The following ITPR3 variants were observed in gnomAD, a reference collection of about 807,000 sequenced individuals.
ITPR3 encodes inositol 1,4,5-trisphosphate receptor type 3, also known as inositol 1,4,5-trisphosphate-gated calcium channel ITPR3.
ITPR3 carries 173 observed loss-of-function variants against 293.2 expected under a neutral mutation model. The observed-to-expected ratio is 0.59, with a 90% CI of 0.52 to 0.67. The LOEUF (loss-of-function observed/expected upper bound fraction) is 0.67. Ranked by LOEUF, ITPR3 falls within the 30% of genes least tolerant of loss-of-function variation. The pLI is 0.00. For missense variants in ITPR3, 2,796 were observed against 3,592.1 expected (o/e 0.78, Z 5.66); for synonymous variants, 1,295 against 1,444.4 (o/e 0.90, Z 2.35).
intron 1 of ITPR3, among the ~76,000 whole-genome samples, 175 bp from the exon 2 acceptor site, chr6:33,640,309 C>T (rs1389849111): frequency 6.6e-6 from 1 of 152,262 alleles, no homozygotes; most frequent in Non-Finnish European, 1.5e-5. Context: ...CAAGAGACAC[C>T]TTGCCTTTCA....
intron 2 of ITPR3, among the ~76,000 whole-genome samples, chr6:33,643,756 G>A (rs1382661305): frequency 6.6e-6 from 1 of 152,114 alleles, no homozygotes; most frequent in Non-Finnish European, 1.5e-5. Context: ...AGGTGCCAGG[G>A]AGGAGAGTGA....
Position 33,661,992 on chromosome 6 carries a change from G to GAAAAAAAAAAAAAAAAAAA in ITPR3, c.712-529_712-511dup, listed in dbSNP as rs55958712. ...CCTGGGCAACAGAGTGACTGTCTCT[G>GAAAAAAAAAAAAAAAAAAA]AAAAAAAAAAAAAAAAAAAAAAAAA... is the stretch of plus-strand genomic sequence containing the variant. On this transcript the variant is annotated intron_variant, in intron 7 of 57. Transcript: ENST00000605930. 3.6e-4 allele frequency among the ~76,000 whole-genome samples: 17 copies of GAAAAAAAAAAAAAAAAAAA among 47,190 alleles called. 1 individual carries two copies. The highest frequency in any genetic ancestry group is 2.0e-3 in the East Asian group (2 of 1,010). 31.0% of individuals were successfully genotyped at this position (47,190 alleles called of 152,430 possible).
Position 33,664,044 on chromosome 6 carries a change from C to T in ITPR3, c.1148+164C>T, listed in dbSNP as rs1016782554. On this transcript the variant is annotated intron_variant, in intron 11 of 57. Coordinates refer to ENST00000605930, the MANE Select transcript of ITPR3 (RefSeq NM_002224.4). This position sits in a 1 kb window ranked among gnomAD's most constrained non-coding sequence, Gnocchi z 4.4. ...TCTGGGGATCTAGCTCTGAGTCTGT[C>T]GGCGGCTGACCACCATTGCATGCCT... Among the ~76,000 whole-genome samples the T allele has an allele frequency of 3.9e-5, 6 of 152,088 alleles. No individual in the cohort carries two copies. The highest frequency in any genetic ancestry group is 7.2e-5 in the African/African-American group (3 of 41,386).
intron 1 of ITPR3, among the ~76,000 whole-genome samples, chr6:33,639,108 T>A (rs1244901565): frequency 6.6e-6 from 1 of 152,040 alleles, no homozygotes; most frequent in African/African-American, 2.4e-5. Flanking sequence ...AGACTGGGCG[T>A]GGTGACTCAC....
chr6:33,637,567 C>CA (rs1169663227), intron 1 of ITPR3, among the ~76,000 whole-genome samples: 2 of 152,076 alleles, frequency 1.3e-5, no homozygotes, highest in Admixed American at 1.3e-4. Flanking sequence ...CTCTAGGGTT[C>CA]AAGCGATTCT....
intron 2 of ITPR3, among the ~76,000 whole-genome samples, chr6:33,649,763 G>C (rs2127248563): frequency 6.6e-6 from 1 of 152,286 alleles, no homozygotes; most frequent in East Asian, 1.9e-4. Flanking sequence ...AGAACCATGT[G>C]GGGTAGAAAG....
At position 33,674,322 on chromosome 6, in the gene ITPR3, C is replaced by T. The variant is rs1312949571; in HGVS notation, c.3116+57C>T. 1.9e-6 allele frequency: 3 copies of T among 1,551,922 alleles called. No homozygotes were observed. The African/African-American group carries it at 4.1e-5, about 21-fold the overall frequency. On this transcript the variant is annotated intron_variant, in intron 24 of 57. Transcript: ENST00000605930. ...GGGGTTGGGAGGCTCGACACCCCCTCTTGGTCTGGTCTGGGTTCCTGGGCT... is the reference window on the plus strand; with the variant it reads ...GGGGTTGGGAGGCTCGACACCCCCTTTTGGTCTGGTCTGGGTTCCTGGGCT...
chr6:33,662,001 A>AAAAAAAAAAAAAAAAAG (rs1764483822), intron 7 of ITPR3, among the ~76,000 whole-genome samples: 1 of 149,100 alleles, frequency 6.7e-6, no homozygotes, highest in Non-Finnish European at 1.5e-5. Flanking sequence ...TGAAAAAAAA[A>AAAAAAAAAAAAAAAAAG]AAAAAAAAAA....
At chr6:33,673,040 C>T (rs1250665932) in intron 22 of ITPR3, among the ~76,000 whole-genome samples, 1 of 152,130 alleles carries the variant, frequency 6.6e-6, no homozygotes, top group South Asian at 2.1e-4. Flanking sequence ...GAGGGCTGGG[C>T]CTTCCATGTC....
rs1195757030 is a variant in ITPR3 at position 33,667,767 on chromosome 6, A to AC, written c.1714-20dup. 12 of 1,612,272 alleles carry AC rather than the reference A, an allele frequency of 7.4e-6. No individual in the cohort carries two copies. The Admixed American group carries it at 8.3e-5, about 11-fold the overall frequency. On this transcript the variant is annotated intron_variant, in intron 15 of 57. Transcript: ENST00000605930. The surrounding 1 kb of genome is among the most constrained non-coding windows in gnomAD (Gnocchi z 4.4). ...CTTGGCCCACCTGTGACTCTCTGTGACCCCCAGCCTGTCTGCCCCCCCAGG... is the reference window on the plus strand; with the variant it reads ...CTTGGCCCACCTGTGACTCTCTGTGACCCCCCAGCCTGTCTGCCCCCCCAGG...
At position 33,673,254 on chromosome 6, in the gene ITPR3, T is replaced by A. The variant is rs563976677; in HGVS notation, c.2929-337T>A. Among the ~76,000 whole-genome samples the A allele has an allele frequency of 3.3e-5, 5 of 152,264 alleles. No individual in the cohort carries two copies. The East Asian group carries it at 9.6e-4, about 29-fold the overall frequency. Reference sequence around the variant, plus strand: ...AGAGTCAGTTTTTGGACCTGGGGGCTTCATTCCCCTTCCTGTCAGTGTCTA... The same window carrying A: ...AGAGTCAGTTTTTGGACCTGGGGGCATCATTCCCCTTCCTGTCAGTGTCTA... On this transcript the variant is annotated intron_variant, in intron 22 of 57. Transcript: ENST00000605930.
At chr6:33,637,412 C>T (rs1763848839) in intron 1 of ITPR3, among the ~76,000 whole-genome samples, 1 of 152,202 alleles carries the variant, frequency 6.6e-6, no homozygotes, top group South Asian at 2.1e-4. Context: ...GGGGTGACCC[C>T]CTCCCAGTAC....
At position 33,669,097 on chromosome 6, in the gene ITPR3, G is replaced by A. The variant is rs1386563974; in HGVS notation, c.2130G>A (p.Gln710=). 1 of 1,614,174 alleles carries A rather than the reference G, an allele frequency of 6.2e-7. No individual in the cohort carries two copies. The highest frequency in any genetic ancestry group is 1.7e-5 in the Admixed American group (1 of 60,016). Residue 710 remains glutamine (Q), a synonymous_variant, in exon 18 of 58, where the codon CAG becomes CAA. Coordinates refer to ENST00000605930, the MANE Select transcript of ITPR3 (RefSeq NM_002224.4). ...NNEHHEKSVR[Q]LAQEARAGNA... is the part of the protein sequence containing the mutation. ...AGCATCATGAGAAGAGTGTGAGGCA[G>A]CTGGCCCAGGAGGCGCGGGCCGGCA...
chr6:33,661,586 C>T (rs1489478412), intron 7 of ITPR3, among the ~76,000 whole-genome samples: 1 of 152,144 alleles, frequency 6.6e-6, no homozygotes, highest in Non-Finnish European at 1.5e-5. Context: ...CTTCATCACG[C>T]ATATTATAAT....
At position 33,663,828 on chromosome 6, in the gene ITPR3, C is replaced by G. The variant is rs1764539994; in HGVS notation, c.1096C>G (p.Leu366Val). The change falls in exon 11 of 58, where the codon CTC becomes GTC. Residue 366 changes from leucine to valine, a missense_variant. By Grantham distance (32) the Leu-to-Val change is conservative. Coordinates refer to ENST00000605930, the MANE Select transcript of ITPR3 (RefSeq NM_002224.4). The part of the protein sequence containing the change: ...AVPHGNDIAS[L>V]FELDPTTLQK... The stretch of plus-strand genomic sequence containing the variant: ...GCCTCATGGCAATGACATCGCCTCT[C>G]TCTTTGAGCTGGACCCCACCACCTT... 1 of 1,614,164 alleles carries G rather than the reference C, an allele frequency of 6.2e-7. No individual in the cohort carries two copies. The highest frequency in any genetic ancestry group is 1.6e-4 in the Middle Eastern group (1 of 6,062).
At chr6:33,681,014 T>C (rs1052662659) in intron 33 of ITPR3, among the ~76,000 whole-genome samples, 2 of 151,884 alleles carry the variant, frequency 1.3e-5, no homozygotes, top group Admixed American at 1.3e-4. Context: ...AGAGACAGGG[T>C]TTCACCGTGT....
In ITPR3 at chr6:33,655,479, C is replaced by G. The variant is rs1764283729; in HGVS notation, c.161-287C>G. Among the ~76,000 whole-genome samples the G allele has an allele frequency of 1.3e-5, 2 of 152,182 alleles. No individual in the cohort carries two copies. Among genetic ancestry groups the G allele is most frequent in the African/African-American group, 4.8e-5 (2 of 41,444 alleles). On this transcript the variant is annotated intron_variant, in intron 2 of 57. Transcript: ENST00000605930. This position sits in a 1 kb window ranked among gnomAD's most constrained non-coding sequence, Gnocchi z 4.9. ...GCACAGACATGGCATAAGGGTGAGG[C>G]CCCAGCAGCCTCTGGTAAATCTCCT...
chr6:33,695,324 CCT>C lies in ITPR3; in HGVS notation c.7947+242_7947+243del, dbSNP rs1229069412. ...AAACTTTAGTACAGGGTGGTGGGGC[CCT>C]CTGTCTCTCATCCCCTTCCTCTGAC... On this transcript the variant is annotated intron_variant, in intron 57 of 57. Coordinates refer to ENST00000605930, the MANE Select transcript of ITPR3 (RefSeq NM_002224.4). The C allele has an allele frequency of 7.0e-6, 4 of 574,288 alleles. No homozygotes were observed. In the East Asian group the frequency reaches 8.7e-5, roughly 13 times the overall value. 35.6% of individuals were successfully genotyped at this position (574,288 alleles called of 1,614,324 possible).
chr6:33,653,011 G>C (rs1185283315), intron 2 of ITPR3, among the ~76,000 whole-genome samples: 1 of 152,116 alleles, frequency 6.6e-6, no homozygotes, highest in Non-Finnish European at 1.5e-5. Flanking sequence ...GGTTTCAAGG[G>C]ATTCTTCTGC....
Sources: allele counts gnomAD v4.1 joint callset (sites outside exome capture counted in the v4.1 genomes callset), GRCh38; gene constraint gnomAD v4.1.1; non-coding constraint Gnocchi (gnomAD v3.1); transcripts MANE v1.5; gene names NCBI Gene and HGNC (gene_info 2026-07-23, HGNC 2026-07-21).